The following AFF2 variants were observed in gnomAD, a reference collection of about 807,000 sequenced individuals.
AFF2 encodes the protein AF4/FMR2 family member 2.
AFF2 carries 14 observed loss-of-function variants against 76.9 expected under a neutral mutation model. The observed-to-expected ratio is 0.18, with a 90% CI of 0.12 to 0.28. The LOEUF (loss-of-function observed/expected upper bound fraction) is 0.28, where lower values mean the gene tolerates loss of function less well. AFF2 is among the 10% of genes least tolerant of loss of function. AFF2 has a pLI of 1.00. For synonymous variants in AFF2, 398 were observed against 366.7 expected (o/e 1.09, Z -0.98); for missense variants, 868 against 1,001.1 (o/e 0.87, Z 1.79).
intron 1 of AFF2, among the ~76,000 whole-genome samples, chrX:148,575,044 A>C (rs2053272533): frequency 9.1e-6 from 1 of 109,436 alleles, no homozygotes; most frequent in Non-Finnish European, 1.9e-5. Context: ...TAAGTAAATG[A>C]GAGTCACATT....
intron 8 of AFF2, among the ~76,000 whole-genome samples, chrX:148,893,563 A>G (rs1384139442): frequency 3.6e-5 from 4 of 112,482 alleles, no homozygotes; most frequent in African/African-American, 1.3e-4. Flanking sequence ...AACTATGAGC[A>G]TTTCAGTTGC....
At chrX:148,769,973 A>G (rs1391178741) in intron 3 of AFF2, among the ~76,000 whole-genome samples, 1 of 111,342 alleles carries the variant, frequency 9.0e-6, no homozygotes, top group African/African-American at 3.3e-5. Flanking sequence ...GTTATCAGCA[A>G]TTTCACAGGG....
intron 3 of AFF2, among the ~76,000 whole-genome samples, chrX:148,669,169 A>G (rs1369270962): frequency 1.8e-5 from 2 of 111,691 alleles, no homozygotes; most frequent in Non-Finnish European, 3.8e-5. Context: ...CAAGTAACTC[A>G]TCTCCATCTG....
intron 1 of AFF2, among the ~76,000 whole-genome samples, chrX:148,595,813 G>T (rs1240714836): frequency 8.9e-6 from 1 of 111,934 alleles, no homozygotes; most frequent in Non-Finnish European, 1.9e-5. Flanking sequence ...AAGCAAGAAG[G>T]TCAACTAAAT....
In AFF2 at chrX:148,927,462, C is replaced by CCTCTCTTT. The variant is rs782564383; in HGVS notation, c.1397+23207_1397+23214dup. On this transcript the variant is annotated intron_variant, in intron 9 of 20. Coordinates refer to ENST00000370460, the MANE Select transcript of AFF2 (RefSeq NM_002025.4). ...CTTCTCTTTCCTGTTTCCTCACAGT[C>CCTCTCTTT]CTCTCTTTCTTTTCCTTTCCTTTTT... Among the ~76,000 whole-genome samples the CCTCTCTTT allele has an allele frequency of 2.9e-3, 324 of 110,847 alleles. 2 individuals are homozygous for CCTCTCTTT. The highest frequency in any genetic ancestry group is 0.01 in the African/African-American group (308 of 30,362).
chrX:148,542,310 G>T (rs782682967), intron 1 of AFF2, among the ~76,000 whole-genome samples: 1 of 107,648 alleles, frequency 9.3e-6, no homozygotes, highest in African/African-American at 3.4e-5. Context: ...AGCCCTTAGC[G>T]AACCAACATT....
intron 7 of AFF2, among the ~76,000 whole-genome samples, chrX:148,846,081 T>C (rs1338389038): frequency 1.8e-5 from 2 of 112,236 alleles, no homozygotes; most frequent in Middle Eastern, 4.6e-3. Flanking sequence ...AGTCTCCCTC[T>C]TTCTTTTTGA....
chrX:148,927,982 TCTC>T (rs1557283977), intron 9 of AFF2, among the ~76,000 whole-genome samples: 1 of 111,738 alleles, frequency 8.9e-6, no homozygotes, highest in African/African-American at 3.3e-5. Context: ...GTATCCAACA[TCTC>T]CTCAATGAAG....
intron 9 of AFF2, among the ~76,000 whole-genome samples, chrX:148,920,632 G>A (rs73640609): frequency 6.5e-5 from 2 of 30,927 alleles, no homozygotes; most frequent in African/African-American, 1.1e-4. Context: ...GTGTGTGTGC[G>A]CGTGTGTGTG....
chrX:148,704,371 T>TATATATATTTATATATATATGTGTAG (rs1569553736), intron 3 of AFF2, among the ~76,000 whole-genome samples: 4 of 14,961 alleles, frequency 2.7e-4, no homozygotes, highest in African/African-American at 5.1e-4. Flanking sequence ...TATGTGTGTA[T>TATATATATTTATATATATATGTGTAG]ATATATATTT....
intron 3 of AFF2, among the ~76,000 whole-genome samples, chrX:148,799,279 C>T (rs781884756): frequency 8.1e-5 from 9 of 111,594 alleles, no homozygotes; most frequent in Admixed American, 2.9e-4. Flanking sequence ...ATAAGGGCCA[C>T]GGTTGCAAAT....
intron 7 of AFF2, among the ~76,000 whole-genome samples, chrX:148,844,680 T>TA (rs1191992513): frequency 2.7e-5 from 3 of 111,259 alleles, no homozygotes; most frequent in Non-Finnish European, 3.8e-5. Context: ...AATAATTGCA[T>TA]AAAAAAACTG....
chrX:148,791,750 T>C (rs2069898045), intron 3 of AFF2, among the ~76,000 whole-genome samples: 1 of 111,689 alleles, frequency 9.0e-6, no homozygotes. Context: ...TATGATTAAT[T>C]TGAAGTGATT....
chrX:148,952,455 A>G (rs1418989823), intron 9 of AFF2, among the ~76,000 whole-genome samples: 10 of 111,536 alleles, frequency 9.0e-5, no homozygotes, highest in African/African-American at 2.9e-4. Context: ...ACAGGCCCCG[A>G]GCACTCCCCT....
chrX:148,727,722 A>G (rs2055176664), intron 3 of AFF2, among the ~76,000 whole-genome samples: 1 of 112,046 alleles, frequency 8.9e-6, no homozygotes, highest in Non-Finnish European at 1.9e-5. Flanking sequence ...CTTTTGAGCT[A>G]CTATTAATAC....
At chrX:148,827,807 T>G (rs1470714263) in intron 4 of AFF2, among the ~76,000 whole-genome samples, 2 of 111,904 alleles carry the variant, frequency 1.8e-5, no homozygotes, top group Non-Finnish European at 3.8e-5. Context: ...GTCAGATACC[T>G]TGCAAGGAGT....
intron 1 of AFF2, among the ~76,000 whole-genome samples, chrX:148,600,301 A>C (rs1169176635): frequency 2.7e-5 from 3 of 111,500 alleles, no homozygotes; most frequent in Admixed American, 9.5e-5. Flanking sequence ...AAGTAGGAGG[A>C]CAGCTTGGCG....
intron 1 of AFF2, among the ~76,000 whole-genome samples, chrX:148,569,448 A>G (rs1557242187): frequency 9.0e-6 from 1 of 111,527 alleles, no homozygotes; most frequent in East Asian, 2.8e-4. Context: ...TCTCTAAAAA[A>G]CAAAACAAAG....
At chrX:148,611,563 C>T (rs1174999460) in intron 1 of AFF2, among the ~76,000 whole-genome samples, 3 of 111,376 alleles carry the variant, frequency 2.7e-5, no homozygotes, top group East Asian at 2.9e-4. Context: ...CTACCCAGTA[C>T]GTTCCCAAAC....
Sources: gnomAD v4.1 joint callset for allele counts (sites outside exome capture counted in the v4.1 genomes callset) on GRCh38, gnomAD v4.1.1 for gene constraint, MANE v1.5 for transcripts, NCBI Gene and HGNC (gene_info 2026-07-23, HGNC 2026-07-21) for gene names.